KCNB2: variants seen among roughly 807,000 people sequenced by gnomAD.
KCNB2 encodes the protein delayed rectifier potassium channel protein.
In KCNB2, 15 loss-of-function variants were observed where a neutral mutation model predicts 61.5. That is an observed-to-expected ratio of 0.24 (90% CI 0.16 to 0.38). KCNB2 has a LOEUF of 0.38. Ranked by LOEUF, KCNB2 falls within the 10% of genes least tolerant of loss-of-function variation. KCNB2 has a pLI of 1.00. For synonymous variants in KCNB2, 457 were observed against 446.0 expected, an observed-to-expected ratio of 1.02 and a Z score of -0.31; for missense variants, 828 against 1,125.2, an observed-to-expected ratio of 0.74 and a Z score of 3.78.
intron 2 of KCNB2, among the ~76,000 whole-genome samples, chr8:72,928,060 T>C (rs901597716): frequency 2.0e-5 from 3 of 152,202 alleles, no homozygotes; most frequent in Non-Finnish European, 2.9e-5. Context: ...CCATAAATAC[T>C]CTGGTGTAAA....
chr8:72,798,797 A>G (rs1809074140), intron 2 of KCNB2, among the ~76,000 whole-genome samples: 1 of 152,146 alleles, frequency 6.6e-6, no homozygotes, highest in African/African-American at 2.4e-5. Flanking sequence ...GTGGATTAAT[A>G]CGAAAAGCCC....
Position 72,657,831 on chromosome 8 carries a change from C to T in KCNB2, c.579+89518C>T, listed in dbSNP as rs1026922045. Reference sequence around the variant, plus strand: ...ACTAATAAAATTCACATTTATATAACGTATATCTAAAAACATTCTCCTTAA... The same window carrying T: ...ACTAATAAAATTCACATTTATATAATGTATATCTAAAAACATTCTCCTTAA... On this transcript the variant is annotated intron_variant, in intron 2 of 2. Coordinates refer to ENST00000523207, the MANE Select transcript of KCNB2 (RefSeq NM_004770.3). Among the ~76,000 whole-genome samples the T allele has an allele frequency of 5.3e-5, 8 of 151,974 alleles. No homozygotes were observed. In the East Asian group the frequency reaches 9.6e-4, roughly 18 times the overall value.
intron 2 of KCNB2, among the ~76,000 whole-genome samples, chr8:72,755,909 C>T (rs1808282563): frequency 6.6e-6 from 1 of 152,144 alleles, no homozygotes; most frequent in Non-Finnish European, 1.5e-5. Flanking sequence ...GCATCTTCAT[C>T]CTGCAGGGAG....
intron 2 of KCNB2, among the ~76,000 whole-genome samples, chr8:72,782,673 T>C (rs1427287005): frequency 6.6e-6 from 1 of 152,108 alleles, no homozygotes. Flanking sequence ...TCCATCCACT[T>C]TTTCTGAATA....
Position 72,937,060 on chromosome 8 carries a change from G to T in KCNB2, c.1705G>T (p.Ala569Ser). 1 of 1,614,142 alleles carries T rather than the reference G, an allele frequency of 6.2e-7. No individual in the cohort carries two copies. The highest frequency in any genetic ancestry group is 1.3e-5 in the African/African-American group (1 of 75,040). Residue 569 changes from alanine to serine, a missense_variant, in exon 3 of 3, where the codon GCA (alanine) becomes TCA (serine). By Grantham distance (99) the Ala-to-Ser change is moderately conservative. This residue lies in a region of KCNB2 where 559 missense variants were observed against 588.4 expected (regional missense o/e 0.95). Coordinates refer to ENST00000523207, the MANE Select transcript of KCNB2 (RefSeq NM_004770.3). Reference sequence around the variant, plus strand: ...CCAAGAAAAGCCTGAGAGGCCATCTGCATATGAAGAAGAGATTGAAATGGA... The same window carrying T: ...CCAAGAAAAGCCTGAGAGGCCATCTTCATATGAAGAAGAGATTGAAATGGA... ...DCQEKPERPS[A>S]YEEEIEMEEV...
At chr8:72,656,942 C>G (rs1391403710) in intron 2 of KCNB2, among the ~76,000 whole-genome samples, 1 of 152,098 alleles carries the variant, frequency 6.6e-6, no homozygotes, top group African/African-American at 2.4e-5. Context: ...TGGTTCATGT[C>G]CATAAACCCA....
chr8:72,761,069 T>C (rs1010474461), intron 2 of KCNB2, among the ~76,000 whole-genome samples: 1 of 152,206 alleles, frequency 6.6e-6, no homozygotes, highest in African/African-American at 2.4e-5. Context: ...CCATTATGAC[T>C]ATCAACAGCA....
chr8:72,743,280 G>A (rs1563577132), intron 2 of KCNB2, among the ~76,000 whole-genome samples: 1 of 152,182 alleles, frequency 6.6e-6, no homozygotes, highest in Non-Finnish European at 1.5e-5. Flanking sequence ...AGACACTAAA[G>A]TTGCCTGTCC....
At chr8:72,900,788 G>A (rs954186897) in intron 2 of KCNB2, among the ~76,000 whole-genome samples, 1 of 152,062 alleles carries the variant, frequency 6.6e-6, no homozygotes, top group African/African-American at 2.4e-5. Flanking sequence ...AAAAACTACA[G>A]TGAGATACCG....
intron 2 of KCNB2, among the ~76,000 whole-genome samples, chr8:72,713,805 A>T (rs1563567883): frequency 1.3e-5 from 2 of 152,218 alleles, no homozygotes; most frequent in Admixed American, 1.3e-4. Flanking sequence ...ACAAAGCTGG[A>T]TGGAGAATGA....
At chr8:72,744,763 G>T (rs184354925) in intron 2 of KCNB2, among the ~76,000 whole-genome samples, 2 of 152,298 alleles carry the variant, frequency 1.3e-5, no homozygotes, top group East Asian at 3.9e-4. Context: ...GACCTGAAGC[G>T]AGAACAAACT....
At chr8:72,746,449 T>G (rs1220823974) in intron 2 of KCNB2, among the ~76,000 whole-genome samples, 3 of 152,184 alleles carry the variant, frequency 2.0e-5, no homozygotes, top group Non-Finnish European at 4.4e-5. Flanking sequence ...AAAATGTTCT[T>G]GTCTACTAAA....
chr8:72,648,946 G>A (rs1806172275), intron 2 of KCNB2, among the ~76,000 whole-genome samples: 1 of 151,836 alleles, frequency 6.6e-6, no homozygotes, highest in Non-Finnish European at 1.5e-5. Context: ...ATTTGATATT[G>A]TCCTTTTACA....
chr8:72,770,459 G>A (rs10504542), intron 2 of KCNB2, among the ~76,000 whole-genome samples: 4,000 of 152,266 alleles, frequency 0.026, 61 homozygotes, highest in African/African-American at 0.037. Context: ...GTAAGAAAAT[G>A]TCCCTAAACA....
At chr8:72,602,698 G>A (rs1340433028) in intron 2 of KCNB2, among the ~76,000 whole-genome samples, 1 of 152,126 alleles carries the variant, frequency 6.6e-6, no homozygotes, top group African/African-American at 2.4e-5. Context: ...CAGTTTTTCA[G>A]TTGACTTTCC....
rs28720718 is a variant in KCNB2 at position 72,561,745 on chromosome 8, A to T, written c.-93-5897A>T. Among the ~76,000 whole-genome samples, 59 of 30,776 alleles carry T rather than the reference A, an allele frequency of 1.9e-3. 9 individuals carry two copies. Among genetic ancestry groups the T allele is most frequent in the African/African-American group, 8.1e-3 (55 of 6,818 alleles). The allele number at this position is 30,776 out of a possible 152,430, so 20.2% of individuals were successfully genotyped here. A position where few individuals can be genotyped will look rare whatever the true frequency, so the allele number is the denominator to read the frequency against. On this transcript the variant is annotated intron_variant, in intron 1 of 2. Transcript: ENST00000523207. The stretch of plus-strand genomic sequence containing the variant: ...TATATATATCTATATCTATATATAT[A>T]TGTATATATATATATGGATATATAT...
At chr8:72,702,782 T>A (rs189405804) in intron 2 of KCNB2, among the ~76,000 whole-genome samples, 12 of 152,258 alleles carry the variant, frequency 7.9e-5, no homozygotes, top group African/African-American at 2.6e-4. Flanking sequence ...TGGCAGGAAG[T>A]TGTGATGTGG....
chr8:72,624,361 G>T (rs1393442803), intron 2 of KCNB2, among the ~76,000 whole-genome samples: 1 of 152,110 alleles, frequency 6.6e-6, no homozygotes, highest in Non-Finnish European at 1.5e-5. Context: ...TTTCCTGACA[G>T]ATTTTAGCCT....
At chr8:72,762,882 A>AATATATATATATATAT (rs10551590) in intron 2 of KCNB2, among the ~76,000 whole-genome samples, 139 of 141,574 alleles carry the variant, frequency 9.8e-4, no homozygotes, top group African/African-American at 3.2e-3. Context: ...CATATTAACA[A>AATATATATATATATAT]ATATATATAT....
Sources: allele counts gnomAD v4.1 joint callset (sites outside exome capture counted in the v4.1 genomes callset), GRCh38; gene constraint gnomAD v4.1.1; regional missense constraint gnomAD v4.1.1; transcripts MANE v1.5; gene names NCBI Gene and HGNC (gene_info 2026-07-23, HGNC 2026-07-21).